The following EPHA6 variants were observed in gnomAD, a reference collection of about 807,000 sequenced individuals.
The protein encoded by EPHA6 is ephrin type-A receptor 6.
In EPHA6, 50 loss-of-function variants were observed where a neutral mutation model predicts 112.0. That is an observed-to-expected ratio of 0.45 (90% confidence interval 0.36 to 0.56). EPHA6 has a LOEUF of 0.56. Among genes scored for constraint, EPHA6 ranks in the 20% least tolerant of loss-of-function variants. The pLI, the probability that EPHA6 is intolerant of heterozygous loss-of-function variation, is 0.00. For missense variants in EPHA6, 1,280 were observed against 1,417.4 expected (o/e 0.90, Z 1.56); for synonymous variants, 529 against 490.7 (o/e 1.08, Z -1.03).
At position 97,102,052 on chromosome 3, in the gene EPHA6, T is replaced by G. The variant is rs145272597; in HGVS notation, c.1114+114059T>G. ...AGGTGACATCTGGGACTTTGATGGC[T>G]AGGTCATCAGAAGCCTTGCCCCTTT... On this transcript the variant is annotated intron_variant, in intron 3 of 17. Coordinates refer to ENST00000389672, the MANE Select transcript of EPHA6 (RefSeq NM_001080448.3). Among the ~76,000 whole-genome samples the G allele has an allele frequency of 3.1e-3, 465 of 152,204 alleles. 1 individual carries two copies. Among genetic ancestry groups the G allele is most frequent in the African/African-American group, 0.01 (429 of 41,550 alleles).
At chr3:97,288,931 T>TG (rs2080578018) in intron 5 of EPHA6, among the ~76,000 whole-genome samples, 1 of 150,732 alleles carries the variant, frequency 6.6e-6, no homozygotes, top group African/African-American at 2.4e-5. Flanking sequence ...GGGATTTTTT[T>TG]TTTTTTTTTT....
intron 14 of EPHA6, among the ~76,000 whole-genome samples, chr3:97,704,851 A>G (rs757484065): frequency 1.3e-5 from 2 of 152,186 alleles, no homozygotes; most frequent in Non-Finnish European, 2.9e-5. Flanking sequence ...GATATATTTA[A>G]TGTATAAAAA....
At chr3:97,617,243 C>T (rs2093774471) in intron 13 of EPHA6, among the ~76,000 whole-genome samples, 1 of 152,120 alleles carries the variant, frequency 6.6e-6, no homozygotes, top group African/African-American at 2.4e-5. Context: ...AATTCATCAC[C>T]ACCAGACCTG....
intron 2 of EPHA6, among the ~76,000 whole-genome samples, chr3:96,955,415 A>G (rs888993859): frequency 7.2e-5 from 11 of 152,166 alleles, no homozygotes; most frequent in Admixed American, 3.3e-4. Flanking sequence ...GTATCCATGC[A>G]AGGGATATTT....
At chr3:97,386,376 A>G (rs1392177574) in intron 5 of EPHA6, among the ~76,000 whole-genome samples, 1 of 152,210 alleles carries the variant, frequency 6.6e-6, no homozygotes, top group Non-Finnish European at 1.5e-5. Context: ...GGGTAAATAC[A>G]CCCATTCCAA....
At chr3:97,523,628 A>G (rs1215511193) in intron 10 of EPHA6, among the ~76,000 whole-genome samples, 1 of 151,976 alleles carries the variant, frequency 6.6e-6, no homozygotes, top group Non-Finnish European at 1.5e-5. Flanking sequence ...AGTATTTACT[A>G]TTACTGTATT....
chr3:97,106,713 C>G (rs2047581173), intron 3 of EPHA6, among the ~76,000 whole-genome samples: 1 of 152,036 alleles, frequency 6.6e-6, no homozygotes, highest in African/African-American at 2.4e-5. Flanking sequence ...CTACTGATGG[C>G]TAAACTAAAA....
In EPHA6 at chr3:96,968,274, G is replaced by A. The variant is rs2042198278; in HGVS notation, c.451-19056G>A. On this transcript the variant is annotated intron_variant, in intron 2 of 17. Transcript: ENST00000389672. ...TATGTGTAGCTTTTAGCTTAGTTCT[G>A]TGTCCTTTTAATGTTTGACCACCTA... Among the ~76,000 whole-genome samples the A allele has an allele frequency of 2.0e-5, 3 of 151,480 alleles. No homozygotes were observed. The Admixed American group carries it at 2.0e-4, about 10-fold the overall frequency.
intron 5 of EPHA6, among the ~76,000 whole-genome samples, chr3:97,315,882 T>A (rs1176909526): frequency 6.6e-6 from 1 of 151,836 alleles, no homozygotes; most frequent in Non-Finnish European, 1.5e-5. Flanking sequence ...CACACCATCA[T>A]GTGCACCTTT....
At chr3:97,088,940 G>T (rs1014384795) in intron 3 of EPHA6, among the ~76,000 whole-genome samples, 10 of 152,100 alleles carry the variant, frequency 6.6e-5, no homozygotes, top group African/African-American at 2.4e-4. Flanking sequence ...TGGGAAAAGA[G>T]CATCTTTCTA....
At chr3:97,745,034 T>G (rs2035653719) in intron 16 of EPHA6, among the ~76,000 whole-genome samples, 1 of 151,972 alleles carries the variant, frequency 6.6e-6, no homozygotes, top group African/African-American at 2.4e-5. Context: ...TAAACTTGGT[T>G]AGTGAAGTAT....
At chr3:97,654,264 G>A (rs301955) in intron 14 of EPHA6, among the ~76,000 whole-genome samples, 95,908 of 151,624 alleles carry the variant, frequency 0.63, 30,743 homozygotes, top group African/African-American at 0.75. Flanking sequence ...TTTTTTGTCA[G>A]TCATATTCAG....
chr3:97,154,180 AAT>A (rs1339009510), intron 3 of EPHA6, among the ~76,000 whole-genome samples: 45 of 140,210 alleles, frequency 3.2e-4, no homozygotes, highest in African/African-American at 1.4e-3. Flanking sequence ...AAAAAAAAAA[AAT>A]ATCAGTCTTT....
intron 14 of EPHA6, among the ~76,000 whole-genome samples, chr3:97,691,154 T>C (rs1364326768): frequency 6.6e-6 from 1 of 152,238 alleles, no homozygotes; most frequent in East Asian, 1.9e-4. Flanking sequence ...TTCTATTGCA[T>C]ATGGATATTC....
intron 6 of EPHA6, among the ~76,000 whole-genome samples, chr3:97,420,846 CAAAA>C (rs148265178): frequency 6.2e-5 from 8 of 129,028 alleles, no homozygotes; most frequent in Admixed American, 4.7e-4. Flanking sequence ...GACAAACAGA[CAAAA>C]AAAAAAAATA....
chr3:96,974,032 AT>A (rs1261958001), intron 2 of EPHA6, among the ~76,000 whole-genome samples: 1 of 140,666 alleles, frequency 7.1e-6, no homozygotes, highest in African/African-American at 2.8e-5. Flanking sequence ...AAAATATGTT[AT>A]TAATACAATA....
intron 5 of EPHA6, among the ~76,000 whole-genome samples, chr3:97,323,164 A>T (rs1012765871): frequency 6.6e-6 from 1 of 152,000 alleles, no homozygotes. Context: ...CTGACAAGAT[A>T]TATGTTTCAT....
intron 1 of EPHA6, among the ~76,000 whole-genome samples, chr3:96,829,649 A>G (rs925103551): frequency 6.6e-6 from 1 of 152,014 alleles, no homozygotes; most frequent in Non-Finnish European, 1.5e-5. Flanking sequence ...AATTTATGGC[A>G]GTATAGGAGC....
intron 13 of EPHA6, among the ~76,000 whole-genome samples, chr3:97,625,360 T>C (rs2093847113): frequency 6.6e-6 from 1 of 151,826 alleles, no homozygotes; most frequent in Non-Finnish European, 1.5e-5. Flanking sequence ...CCGTTTTTCT[T>C]CTGTTATTTA....
Sources: gnomAD v4.1 joint callset for allele counts (sites outside exome capture counted in the v4.1 genomes callset) on GRCh38, gnomAD v4.1.1 for gene constraint, MANE v1.5 for transcripts, NCBI Gene and HGNC (gene_info 2026-07-23, HGNC 2026-07-21) for gene names.